The following SMC2 variants were observed in gnomAD, a reference collection of about 807,000 sequenced individuals.
SMC2 encodes structural maintenance of chromosomes 2.
A neutral mutation model predicts 142.6 loss-of-function variants in SMC2; 41 were observed. That is an observed-to-expected ratio of 0.29 (90% CI 0.22 to 0.37). The LOEUF (loss-of-function observed/expected upper bound fraction) is 0.37. Among genes scored for constraint, SMC2 ranks in the 10% least tolerant of loss-of-function variants. The probability of loss-of-function intolerance (pLI) is 1.00; values close to 1 mark genes in which losing one functional copy is unlikely to be tolerated. For synonymous variants in SMC2, 463 were observed against 457.5 expected (o/e 1.01, Z -0.15); for missense variants, 1,265 against 1,373.7 (o/e 0.92, Z 1.25).
intron 4 of SMC2, 79 bp downstream of exon 4, chr9:104,098,647 CT>C: frequency 1.5e-6 from 2 of 1,370,410 alleles, no homozygotes; most frequent in Non-Finnish European, 2.0e-6. Context: ...AATAGAAGTA[CT>C]TTATGTTTTG....
chr9:104,132,488 T>C (rs1835091198), intron 22 of SMC2, among the ~76,000 whole-genome samples: 1 of 152,146 alleles, frequency 6.6e-6, no homozygotes, highest in African/African-American at 2.4e-5. Context: ...CTGTCTCCTA[T>C]AGGATAATTC....
At chr9:104,132,208 A>G in intron 22 of SMC2, 83 bp downstream of exon 22, 1 of 742,958 alleles carries the variant, frequency 1.3e-6, no homozygotes, top group Admixed American at 2.5e-5. Flanking sequence ...GAAATTTGAA[A>G]TAGCTGATCT....
At chr9:104,121,826 G>A (rs1833774165) in intron 16 of SMC2, among the ~76,000 whole-genome samples, 1 of 152,052 alleles carries the variant, frequency 6.6e-6, no homozygotes. Flanking sequence ...ACTCGTCCAG[G>A]CTGGAGTGCA....
rs1836029897 is a variant in SMC2 at position 104,141,370 on chromosome 9, G to A, written c.*2055G>A. On this transcript the variant is annotated 3_prime_UTR_variant, in exon 25 of 25. Transcript: ENST00000374793. ...AGAACCTAAGATATACTACGTCACT[G>A]ACAGCTTGAACATTTGTATTTATTG... is the stretch of plus-strand genomic sequence containing the variant. 6.6e-6 allele frequency: 1 copy of A among 152,144 alleles called. No homozygotes were observed. The highest frequency in any genetic ancestry group is 1.5e-5 in the Non-Finnish European group (1 of 68,022). 9.4% of individuals were successfully genotyped at this position (152,144 alleles called of 1,614,324 possible). A position where few individuals can be genotyped will look rare whatever the true frequency, so the allele number is the denominator to read the frequency against.
chr9:104,119,318 C>T (rs549546326), intron 15 of SMC2, among the ~76,000 whole-genome samples: 84 of 152,262 alleles, frequency 5.5e-4, no homozygotes, highest in Non-Finnish European at 5.1e-4. Flanking sequence ...TAAGTAACCC[C>T]GTATTTTAAT....
At chr9:104,104,849 C>T (rs1185689765) in intron 9 of SMC2, among the ~76,000 whole-genome samples, 1 of 152,204 alleles carries the variant, frequency 6.6e-6, no homozygotes, top group Non-Finnish European at 1.5e-5. Flanking sequence ...GAGCCATAGC[C>T]AGAATACATT....
rs1835990099 is a variant in SMC2, at chr9:104,140,727, T to G, written c.*1412T>G. On this transcript the variant is annotated 3_prime_UTR_variant, in exon 25 of 25. Coordinates refer to ENST00000374793, the MANE Select transcript of SMC2 (RefSeq NM_006444.3). Reference sequence around the variant, plus strand: ...AGAAAGTCCAATGTCAAATATAGTTTTTTTGTTTCCTTTCAAATGTATTAC... The same window carrying G: ...AGAAAGTCCAATGTCAAATATAGTTGTTTTGTTTCCTTTCAAATGTATTAC... 6.6e-6 allele frequency: 1 copy of G among 151,464 alleles called. No homozygotes were observed. Among genetic ancestry groups the G allele is most frequent in the African/African-American group, 2.5e-5 (1 of 40,424 alleles). The allele number at this position is 151,464 out of a possible 1,614,324, so 9.4% of individuals were successfully genotyped here.
At chr9:104,123,059 A>T in intron 16 of SMC2, 49 bp from the exon 17 acceptor site, 1 of 1,573,632 alleles carries the variant, frequency 6.4e-7, no homozygotes, top group Non-Finnish European at 8.6e-7. Flanking sequence ...GTATTTCTCA[A>T]ATACCAGAAA....
intron 18 of SMC2, among the ~76,000 whole-genome samples, chr9:104,125,522 G>A (rs758374225): frequency 6.6e-6 from 1 of 152,148 alleles, no homozygotes; most frequent in Admixed American, 6.5e-5. Context: ...ATAGTTGTGA[G>A]TAGGGGATGC....
chr9:104,136,755 C>CTTTTTTTTTTTT (rs755408895), intron 23 of SMC2, among the ~76,000 whole-genome samples: 1 of 119,834 alleles, frequency 8.3e-6, no homozygotes, highest in African/African-American at 3.1e-5. Flanking sequence ...CTGTTTTATT[C>CTTTTTTTTTTTT]TTTTTTTTTT....
intron 22 of SMC2, among the ~76,000 whole-genome samples, chr9:104,132,840 G>A (rs1835129712): frequency 6.9e-6 from 1 of 144,290 alleles, no homozygotes; most frequent in Non-Finnish European, 1.5e-5. Flanking sequence ...GATCTGAGAG[G>A]TTTTTTTTTT....
Position 104,120,120 on chromosome 9 carries a change from C to G in SMC2, c.2090C>G (p.Ala697Gly), listed in dbSNP as rs776720159. Reference protein sequence around the residue: ...ELRIKENELRALEEELAGLKN... With the variant: ...ELRIKENELRGLEEELAGLKN... ...AGAATCAAAGAGAATGAGCTGCGGG[C>G]TCTAGAAGAGGAATTAGCAGGTCTT... Residue 697 changes from alanine (A) to glycine (G), a missense_variant, in exon 16 of 25, where the codon GCT becomes GGT. Around this residue, in one of 4 missense-constraint regions of SMC2, gnomAD observed 898 missense variants for 904.2 expected, o/e 0.99. Coordinates refer to ENST00000374793, the MANE Select transcript of SMC2 (RefSeq NM_006444.3). The G allele has an allele frequency of 1.9e-6, 3 of 1,613,546 alleles. No individual in the cohort carries two copies. The Admixed American group carries it at 5.0e-5, about 27-fold the overall frequency.
At chr9:104,112,052 T>TGTAA (rs1832516025) in intron 10 of SMC2, among the ~76,000 whole-genome samples, 1 of 152,256 alleles carries the variant, frequency 6.6e-6, no homozygotes, top group Non-Finnish European at 1.5e-5. Context: ...TAATTCGGTA[T>TGTAA]GTAAGTGCAA....
At chr9:104,094,519 A>G (rs1006901817) in intron 1 of SMC2, 42 bp downstream of exon 1, 17 of 319,338 alleles carry the variant, frequency 5.3e-5, no homozygotes, top group African/African-American at 3.5e-4. Context: ...GCCGGGCCAG[A>G]CTTCCTGGCG....
At chr9:104,095,633 C>A (rs1332184673) in intron 2 of SMC2, 81 bp downstream of exon 2, 6 of 1,043,646 alleles carry the variant, frequency 5.7e-6, no homozygotes, top group Non-Finnish European at 8.6e-6. Context: ...TCCCGATATT[C>A]TCTTCATTTG....
At chr9:104,108,374 A>G (rs991165230) in intron 9 of SMC2, among the ~76,000 whole-genome samples, 2 of 152,106 alleles carry the variant, frequency 1.3e-5, no homozygotes, top group Non-Finnish European at 2.9e-5. Flanking sequence ...TTATCAAACA[A>G]ACACTTCAGC....
chr9:104,097,939 G>A (rs1811680533), intron 3 of SMC2, among the ~76,000 whole-genome samples: 1 of 152,142 alleles, frequency 6.6e-6, no homozygotes, highest in African/African-American at 2.4e-5. Flanking sequence ...GTAGAGTATG[G>A]TGTCTGGGAT....
intron 20 of SMC2, among the ~76,000 whole-genome samples, chr9:104,128,581 A>G (rs1834571765): frequency 6.6e-6 from 1 of 152,230 alleles, no homozygotes; most frequent in African/African-American, 2.4e-5. Context: ...AAGAGTTTAC[A>G]GGTCAAAAGG....
chr9:104,121,561 A>G (rs1261628633), intron 16 of SMC2, among the ~76,000 whole-genome samples: 1 of 152,144 alleles, frequency 6.6e-6, no homozygotes, highest in African/African-American at 2.4e-5. Flanking sequence ...AAGATGACAA[A>G]TAGGGACTGA....
Sources: gnomAD v4.1 joint callset for allele counts (sites outside exome capture counted in the v4.1 genomes callset) on GRCh38, gnomAD v4.1.1 for gene constraint, gnomAD v4.1.1 regional missense constraint, MANE v1.5 for transcripts, NCBI Gene and HGNC (gene_info 2026-07-23, HGNC 2026-07-21) for gene names.